Variants in BEND7 observed in about 807,000 individuals in gnomAD.
BEND7 encodes the protein BEN domain containing 7.
A neutral mutation model predicts 50.9 loss-of-function variants in BEND7; 28 were observed. That is an observed-to-expected ratio of 0.55 (90% CI 0.41 to 0.75). The LOEUF (loss-of-function observed/expected upper bound fraction) is 0.75. Among genes scored for constraint, BEND7 ranks in the 30% least tolerant of loss-of-function variants. The pLI is 0.00. For synonymous variants in BEND7, 170 were observed against 183.9 expected (o/e 0.92, Z 0.61); for missense variants, 477 against 491.3 (o/e 0.97, Z 0.28).
At chr10:13,445,044 T>C (rs964834172) in intron 8 of BEND7, 12 of 152,152 alleles carry the variant, frequency 7.9e-5, no homozygotes, top group African/African-American at 1.2e-4. Flanking sequence ...GGTCTCGATC[T>C]CCTGACCTTG....
At chr10:13,527,995 C>T (rs1407918741) in intron 1 of BEND7, among the ~76,000 whole-genome samples, 2 of 152,158 alleles carry the variant, frequency 1.3e-5, no homozygotes, top group Admixed American at 6.5e-5. Flanking sequence ...TCAACAATTC[C>T]GCCTTGGGCT....
At chr10:13,445,661 G>A (rs1836162522) in intron 8 of BEND7, 1 of 152,148 alleles carries the variant, frequency 6.6e-6, no homozygotes, top group Non-Finnish European at 1.5e-5. Context: ...TCAGTTCCAT[G>A]AGGCTCTTCT....
Position 13,482,674 on chromosome 10 carries a change from G to C in BEND7, c.838-1550C>G, listed in dbSNP as rs186867485. 1.6e-4 allele frequency among the ~76,000 whole-genome samples: 25 copies of C among 152,298 alleles called. 1 individual carries two copies. The highest frequency in any genetic ancestry group is 5.3e-4 in the African/African-American group (22 of 41,562). On this transcript the variant is annotated intron_variant, in intron 5 of 8. Coordinates refer to ENST00000466271, the MANE Select transcript of BEND7 (RefSeq NM_001369863.1). ...ATCCAGAAAGTCATCTCACACTTCT[G>C]CTTCACTTTGCCATTCCATGTTTGG...
chr10:13,441,794 C>G (rs754730036), intron 8 of BEND7, 44 bp from the exon 9 acceptor site: 1 of 1,589,952 alleles, frequency 6.3e-7, no homozygotes, highest in Non-Finnish European at 8.6e-7. Context: ...GGATTACTTA[C>G]TGGCCAGAAA....
intron 6 of BEND7, among the ~76,000 whole-genome samples, chr10:13,461,018 C>T (rs1415858076): frequency 6.6e-6 from 1 of 152,186 alleles, no homozygotes; most frequent in Non-Finnish European, 1.5e-5. Context: ...TGCAATTACA[C>T]ACGCCGAGCA....
At chr10:13,516,924 T>C (rs1425591578) in intron 2 of BEND7, among the ~76,000 whole-genome samples, 1 of 152,198 alleles carries the variant, frequency 6.6e-6, no homozygotes, top group Non-Finnish European at 1.5e-5. Flanking sequence ...TAAAAGACTG[T>C]ATTTCTCAGT....
intron 7 of BEND7, among the ~76,000 whole-genome samples, chr10:13,452,223 T>C (rs946991450): frequency 2.0e-5 from 3 of 152,162 alleles, no homozygotes; most frequent in African/African-American, 2.4e-5. Context: ...TAAAAATCAA[T>C]AGGCAGACAG....
chr10:13,490,898 G>A (rs1254666871), intron 5 of BEND7, among the ~76,000 whole-genome samples: 3 of 152,066 alleles, frequency 2.0e-5, no homozygotes, highest in Non-Finnish European at 1.5e-5. Flanking sequence ...CTGCCTCCTG[G>A]GTTCAAGTGA....
At chr10:13,492,525 G>C in intron 5 of BEND7, 86 bp downstream of exon 5, 1 of 1,509,716 alleles carries the variant, frequency 6.6e-7, no homozygotes, top group Non-Finnish European at 9.0e-7. Context: ...AGTTTCTCTA[G>C]TTGTCAAAAG....
intron 8 of BEND7, 136 bp downstream of exon 8, chr10:13,447,130 T>C (rs1374280155): frequency 7.2e-6 from 6 of 838,968 alleles, no homozygotes; most frequent in Non-Finnish European, 1.2e-5. Flanking sequence ...GAAGCTCCAA[T>C]GACGGGGCCT....
chr10:13,505,083 T>C (rs1007459569), intron 2 of BEND7, among the ~76,000 whole-genome samples: 2 of 152,244 alleles, frequency 1.3e-5, no homozygotes, highest in African/African-American at 4.8e-5. Flanking sequence ...GTGCAGCGAA[T>C]GCTCATCATT....
At chr10:13,493,783 C>T (rs1205853142) in intron 4 of BEND7, among the ~76,000 whole-genome samples, 3 of 152,148 alleles carry the variant, frequency 2.0e-5, no homozygotes, top group Non-Finnish European at 4.4e-5. Flanking sequence ...GAAAACATGG[C>T]ATCATTGTTT....
intron 6 of BEND7, among the ~76,000 whole-genome samples, chr10:13,470,450 C>A (rs938008460): frequency 3.9e-5 from 6 of 151,926 alleles, no homozygotes; most frequent in African/African-American, 1.5e-4. Flanking sequence ...TGTTAAAATG[C>A]AGGTTTTGTA....
chr10:13,446,327 G>A (rs1189644864), intron 8 of BEND7: 2 of 152,226 alleles, frequency 1.3e-5, no homozygotes, highest in African/African-American at 4.8e-5. Flanking sequence ...TTGCCATTTT[G>A]GGATATGTGC....
At chr10:13,470,671 G>A (rs886292238) in intron 6 of BEND7, among the ~76,000 whole-genome samples, 1 of 152,196 alleles carries the variant, frequency 6.6e-6, no homozygotes, top group Non-Finnish European at 1.5e-5. Flanking sequence ...ATGGAAGGCC[G>A]GTGATGAAGC....
intron 6 of BEND7, among the ~76,000 whole-genome samples, chr10:13,462,408 A>G (rs1840395860): frequency 6.6e-6 from 1 of 152,208 alleles, no homozygotes; most frequent in African/African-American, 2.4e-5. Flanking sequence ...ATTCACTACC[A>G]CAAGAACAGT....
At chr10:13,515,902 A>G (rs2078633082) in intron 2 of BEND7, among the ~76,000 whole-genome samples, 1 of 152,112 alleles carries the variant, frequency 6.6e-6, no homozygotes, top group South Asian at 2.1e-4. Flanking sequence ...AATGGTGTAG[A>G]CGGGGTGCTA....
intron 8 of BEND7, chr10:13,442,890 T>A (rs1268539158): frequency 6.6e-6 from 1 of 152,192 alleles, no homozygotes; most frequent in Non-Finnish European, 1.5e-5. Context: ...CCAAAACAAC[T>A]TTTTCATCTT....
At chr10:13,507,462 G>C (rs10160101) in intron 2 of BEND7, among the ~76,000 whole-genome samples, 45,391 of 152,080 alleles carry the variant, frequency 0.3, 7,342 homozygotes, top group Non-Finnish European at 0.37. Flanking sequence ...CTATGTTAAA[G>C]AGGCCATTGA....
Sources: gnomAD v4.1 joint callset for allele counts (sites outside exome capture counted in the v4.1 genomes callset) on GRCh38, gnomAD v4.1.1 for gene constraint, MANE v1.5 for transcripts, NCBI Gene and HGNC (gene_info 2026-07-23, HGNC 2026-07-21) for gene names.